ABCC6: variants seen among roughly 807,000 people sequenced by gnomAD.
ABCC6 encodes ATP-binding cassette sub-family C member 6.
Under a neutral mutation model 169.5 loss-of-function variants are expected in ABCC6, and 126 were observed. The ratio of observed to expected loss-of-function variants is 0.74; its 90% CI spans 0.64 to 0.86. The LOEUF (loss-of-function observed/expected upper bound fraction) is 0.86. ABCC6 is among the 40% of genes least tolerant of loss of function. The pLI, the probability that ABCC6 is intolerant of heterozygous loss-of-function variation, is 0.00. For missense variants in ABCC6, 1,733 were observed against 1,927.2 expected (o/e 0.90, Z 1.89); for synonymous variants, 752 against 814.7 (o/e 0.92, Z 1.31).
chr16:16,185,323 GCCACAT>G (rs1039048192), intron 14 of ABCC6, among the ~76,000 whole-genome samples: 12 of 152,226 alleles, frequency 7.9e-5, no homozygotes, highest in Admixed American at 6.5e-5. Flanking sequence ...TTGGAACACG[GCCACAT>G]CCATTCATTT....
intron 26 of ABCC6, 30 bp downstream of exon 26, chr16:16,159,452 G>A: frequency 6.2e-7 from 1 of 1,602,180 alleles, no homozygotes. Flanking sequence ...TGTCCTTGCT[G>A]GGACCCCCTC....
intron 27 of ABCC6, among the ~76,000 whole-genome samples, chr16:16,157,077 G>A (rs896104471): frequency 6.6e-6 from 1 of 152,100 alleles, no homozygotes; most frequent in African/African-American, 2.4e-5. Flanking sequence ...AAGGGATTCA[G>A]TGAAGGGGCC....
chr16:16,169,614 G>A (rs780449463), intron 22 of ABCC6, 32 bp downstream of exon 22: 3 of 1,607,916 alleles, frequency 1.9e-6, no homozygotes, highest in Non-Finnish European at 2.5e-6. Flanking sequence ...GCAGCTGGGA[G>A]GAGAGGGATG....
chr16:16,171,906 AATGG>A (rs2047090669), intron 21 of ABCC6, among the ~76,000 whole-genome samples: 1 of 6,682 alleles, frequency 1.5e-4, no homozygotes, highest in African/African-American at 6.5e-4. Flanking sequence ...TGGATAAATG[AATGG>A]GTGGGTGGGT....
At chr16:16,197,071 T>A (rs1040255805) in intron 10 of ABCC6, among the ~76,000 whole-genome samples, 1 of 150,848 alleles carries the variant, frequency 6.6e-6, no homozygotes, top group South Asian at 2.1e-4. Flanking sequence ...AAATGTTTTG[T>A]TTGTTTTGTT....
At chr16:16,188,375 G>A (rs2047724327) in intron 13 of ABCC6, among the ~76,000 whole-genome samples, 2 of 152,090 alleles carry the variant, frequency 1.3e-5, no homozygotes, top group Non-Finnish European at 2.9e-5. Flanking sequence ...CTGGGTGACA[G>A]AGTGAGACTC....
intron 27 of ABCC6, among the ~76,000 whole-genome samples, chr16:16,157,191 A>G (rs1239241197): frequency 6.6e-6 from 1 of 152,118 alleles, no homozygotes; most frequent in Non-Finnish European, 1.5e-5. Flanking sequence ...TTTCTGGAGC[A>G]CTTTCTATGA....
rs534683648 is a variant in ABCC6 at position 16,160,088 on chromosome 16, C to T, written c.3634-505G>A. ...TTCACCCACCCTCTCCAGCCACACC[C>T]GTCTTCTTGCTGTTCCTCTAACACA... On this transcript the variant is annotated intron_variant, in intron 25 of 30. Transcript: ENST00000205557. 3.9e-5 allele frequency among the ~76,000 whole-genome samples: 6 copies of T among 152,244 alleles called. No homozygotes were observed. In the South Asian group the frequency reaches 1.0e-3, roughly 26 times the overall value.
intron 17 of ABCC6, among the ~76,000 whole-genome samples, chr16:16,181,344 G>GAAAAAAA (rs749040729): frequency 1.3e-5 from 1 of 78,436 alleles, no homozygotes; most frequent in Non-Finnish European, 2.6e-5. Context: ...CTCCGTCTCA[G>GAAAAAAA]AAAAAAAAAA....
At chr16:16,159,436 A>T in intron 26 of ABCC6, 46 bp downstream of exon 26, 3 of 1,076,352 alleles carry the variant, frequency 2.8e-6, no homozygotes, top group Non-Finnish European at 4.2e-6. Flanking sequence ...GCCCCCCCCC[A>T]CAATATGTCC....
At position 16,154,772 on chromosome 16, in the gene ABCC6, G is replaced by A. The variant is rs765472331; in HGVS notation, c.4064C>T (p.Ser1355Phe). ...CAGCAGGTCGAGGTTCATCCGCAGA[G>A]AGCCAGGGAACAGGATGGGGTCCTG... ...IPQDPILFPG[S>F]LRMNLDLLQE... The change falls in exon 29 of 31, where the codon TCT becomes TTT. Residue 1355 changes from serine (S) to phenylalanine (F), a missense_variant. Around this residue, in one of 5 missense-constraint regions of ABCC6, gnomAD observed 1,601 missense variants for 1,635.5 expected, o/e 0.98. Transcript: ENST00000205557. 2 of 1,612,590 alleles carry A rather than the reference G, an allele frequency of 1.2e-6. No individual in the cohort carries two copies. Among genetic ancestry groups the A allele is most frequent in the Non-Finnish European group, 1.7e-6 (2 of 1,179,474 alleles).
chr16:16,169,565 G>A (rs943167579), intron 22 of ABCC6, 81 bp downstream of exon 22: 3 of 1,511,190 alleles, frequency 2.0e-6, no homozygotes, highest in African/African-American at 2.7e-5. Context: ...GGGTGACCCA[G>A]GGAGGGGTGG....
At position 16,182,821 on chromosome 16, in the gene ABCC6, C is replaced by T; in HGVS notation, c.2053G>A (p.Gly685Arg). The T allele has an allele frequency of 1.9e-6, 3 of 1,614,022 alleles. No homozygotes were observed. The highest frequency in any genetic ancestry group is 2.2e-5 in the South Asian group (2 of 91,086). ...GGCCTCACCTCGATGCTCACGAACC[C>T]CTCCACCTTTGACAGCTCCCCAAGG... ...ALLGELSKVE[G>R]FVSIEGAVAY... is the part of the protein sequence containing the mutation. Residue 685 changes from glycine to arginine, a missense_variant, in exon 16 of 31, where the codon GGG becomes AGG. Physicochemically the swap from Gly to Arg is moderately radical, Grantham distance 125. Coordinates refer to ENST00000205557, the MANE Select transcript of ABCC6 (RefSeq NM_001171.6).
intron 11 of ABCC6, among the ~76,000 whole-genome samples, chr16:16,191,227 T>A (rs2047843920): frequency 6.6e-6 from 1 of 152,090 alleles, no homozygotes; most frequent in Non-Finnish European, 1.5e-5. Flanking sequence ...GCGATTCTCC[T>A]GCCTGAGCTT....
chr16:16,197,977 G>A, intron 10 of ABCC6, 44 bp downstream of exon 10: 2 of 1,583,252 alleles, frequency 1.3e-6, no homozygotes, highest in East Asian at 2.3e-5. Context: ...AGAAGGAGGG[G>A]GTGGGGGACT....
chr16:16,221,964 T>C, intron 1 of ABCC6, 133 bp from the exon 2 acceptor site: 2 of 1,376,736 alleles, frequency 1.5e-6, no homozygotes, highest in East Asian at 4.8e-5. Context: ...TTGGAATACC[T>C]ACTAATTCTC....
At chr16:16,177,411 C>T in intron 19 of ABCC6, 41 bp downstream of exon 19, 1 of 1,612,598 alleles carries the variant, frequency 6.2e-7, no homozygotes. Flanking sequence ...CCAAGGGTGG[C>T]AGGAGCCAGG....
intron 10 of ABCC6, among the ~76,000 whole-genome samples, chr16:16,194,537 G>A (rs2047971849): frequency 6.6e-6 from 1 of 152,078 alleles, no homozygotes; most frequent in Non-Finnish European, 1.5e-5. Context: ...GGAAGTGGGG[G>A]GTAGAATAAA....
chr16:16,177,567 C>T lies in ABCC6; in HGVS notation c.2475G>A (p.Val825=). 1 of 1,614,230 alleles carries T rather than the reference C, an allele frequency of 6.2e-7. No homozygotes were observed. The highest frequency in any genetic ancestry group is 1.7e-5 in the Admixed American group (1 of 60,036). The change falls in exon 19 of 31, where the codon GTG becomes GTA. Residue 825 remains valine, a synonymous_variant. Coordinates refer to ENST00000205557, the MANE Select transcript of ABCC6 (RefSeq NM_001171.6). ...HILPQADWII[V]LANGAIAEMG... ...TCTCTGCGATGGCCCCATTTGCCAG[C>T]ACTATGATCCAATCAGCCTGGGGCA...
Sources: gnomAD v4.1 joint callset for allele counts (sites outside exome capture counted in the v4.1 genomes callset) on GRCh38, gnomAD v4.1.1 for gene constraint, gnomAD v4.1.1 regional missense constraint, MANE v1.5 for transcripts, NCBI Gene and HGNC (gene_info 2026-07-23, HGNC 2026-07-21) for gene names.